The following ERC1 variants were observed in gnomAD, a reference collection of about 807,000 sequenced individuals.
ERC1 encodes the protein ELKS/RAB6-interacting/CAST family member 1, also known as RAB6 interacting protein 2.
Under a neutral mutation model 132.0 loss-of-function variants are expected in ERC1, and 56 were observed. The ratio of observed to expected loss-of-function variants is 0.42; its 90% CI spans 0.34 to 0.53. The LOEUF (loss-of-function observed/expected upper bound fraction) is 0.53, where lower values mean the gene tolerates loss of function less well. ERC1 is among the 20% of genes least tolerant of loss of function. The probability of loss-of-function intolerance (pLI) is 0.03; values close to 1 mark genes in which losing one functional copy is unlikely to be tolerated. For missense variants in ERC1, 1,202 were observed against 1,349.9 expected, an observed-to-expected ratio of 0.89 and a Z score of 1.72; for synonymous variants, 478 against 476.1, an observed-to-expected ratio of 1.00 and a Z score of -0.05.
chr12:1,080,688 G>C (rs1478346802), intron 2 of ERC1, among the ~76,000 whole-genome samples: 1 of 152,046 alleles, frequency 6.6e-6, no homozygotes, highest in African/African-American at 2.4e-5. Flanking sequence ...GCTTCTTCCT[G>C]ATTTTCTCTT....
At chr12:1,115,797 G>C (rs1946382358) in intron 6 of ERC1, 69 bp from the exon 7 acceptor site, 11 of 1,333,868 alleles carry the variant, frequency 8.2e-6, no homozygotes, top group Middle Eastern at 1.9e-4. Flanking sequence ...ACTCAGATCT[G>C]TGAAAGATAC....
intron 1 of ERC1, among the ~76,000 whole-genome samples, chr12:1,010,316 A>C (rs569208900): frequency 6.6e-6 from 1 of 151,882 alleles, no homozygotes; most frequent in African/African-American, 2.4e-5. Context: ...ACTCATCTCT[A>C]CTAAAAATAC....
chr12:1,183,019 T>G (rs1422689525), intron 10 of ERC1, among the ~76,000 whole-genome samples: 1 of 152,202 alleles, frequency 6.6e-6, no homozygotes, highest in African/African-American at 2.4e-5. Context: ...TCACAAAGCT[T>G]GATCTACTTT....
intron 15 of ERC1, among the ~76,000 whole-genome samples, chr12:1,292,961 A>G (rs2079563057): frequency 6.6e-6 from 1 of 152,040 alleles, no homozygotes; most frequent in Non-Finnish European, 1.5e-5. Context: ...CCTGGCCAAC[A>G]TGGTGAACCC....
At chr12:1,125,075 A>G (rs943957291) in intron 7 of ERC1, among the ~76,000 whole-genome samples, 1 of 151,836 alleles carries the variant, frequency 6.6e-6, no homozygotes, top group South Asian at 2.1e-4. Flanking sequence ...GCTCACTGCA[A>G]CCTCCACCTC....
At chr12:1,342,371 G>A (rs1003969690) in intron 15 of ERC1, among the ~76,000 whole-genome samples, 2 of 151,576 alleles carry the variant, frequency 1.3e-5, no homozygotes, top group Non-Finnish European at 2.9e-5. Context: ...GGAAACTGAG[G>A]CAGGAGAATC....
chr12:1,223,446 A>G (rs1412568821), intron 12 of ERC1, among the ~76,000 whole-genome samples: 1 of 152,228 alleles, frequency 6.6e-6, no homozygotes, highest in East Asian at 1.9e-4. Context: ...GTTAAAGTGC[A>G]GATTCTGATT....
At chr12:1,161,008 T>A (rs573998835) in intron 8 of ERC1, among the ~76,000 whole-genome samples, 5 of 152,324 alleles carry the variant, frequency 3.3e-5, no homozygotes, top group African/African-American at 1.2e-4. Context: ...CTTTGCTGTT[T>A]CTTCTTCTTT....
chr12:1,412,342 C>G (rs967569089), intron 17 of ERC1, among the ~76,000 whole-genome samples: 1 of 152,244 alleles, frequency 6.6e-6, no homozygotes, highest in Non-Finnish European at 1.5e-5. Context: ...CCAATACATA[C>G]TGATCAAGTG....
intron 18 of ERC1, chr12:1,480,938 T>TG: frequency 1.4e-6 from 1 of 702,320 alleles, no homozygotes; most frequent in Non-Finnish European, 2.6e-6. Context: ...CCCCTTACTC[T>TG]GGGCAGTCTG....
chr12:1,383,795 T>C (rs1193344399), intron 16 of ERC1, among the ~76,000 whole-genome samples: 3 of 152,226 alleles, frequency 2.0e-5, no homozygotes, highest in Non-Finnish European at 4.4e-5. Context: ...AAAACAGTAT[T>C]CACGCCATTA....
intron 13 of ERC1, among the ~76,000 whole-genome samples, chr12:1,241,407 T>C (rs1008833288): frequency 5.3e-5 from 8 of 152,210 alleles, no homozygotes; most frequent in African/African-American, 1.9e-4. Context: ...GAATGATGAT[T>C]GTTACATATT....
At chr12:1,374,274 G>A (rs576084019) in intron 16 of ERC1, among the ~76,000 whole-genome samples, 10 of 152,264 alleles carry the variant, frequency 6.6e-5, no homozygotes, top group East Asian at 1.9e-4. Flanking sequence ...GGCTCTTGGC[G>A]TTCACATGTG....
intron 15 of ERC1, among the ~76,000 whole-genome samples, chr12:1,337,105 T>C (rs1331711833): frequency 6.6e-6 from 1 of 152,164 alleles, no homozygotes; most frequent in Non-Finnish European, 1.5e-5. Context: ...CATGAGCCAC[T>C]GCTCCTGGCC....
chr12:1,187,952 C>T (rs1955292965), intron 11 of ERC1, among the ~76,000 whole-genome samples: 1 of 152,158 alleles, frequency 6.6e-6, no homozygotes, highest in South Asian at 2.1e-4. Flanking sequence ...AACCTCCTAA[C>T]AAAAGCGACA....
At chr12:1,319,437 A>G (rs549019243) in intron 15 of ERC1, among the ~76,000 whole-genome samples, 34 of 152,298 alleles carry the variant, frequency 2.2e-4, no homozygotes, top group Non-Finnish European at 4.4e-4. Context: ...TTGAGTTTCT[A>G]TATTACACAA....
intron 2 of ERC1, among the ~76,000 whole-genome samples, chr12:1,079,823 G>T (rs936796452): frequency 2.7e-5 from 4 of 148,466 alleles, no homozygotes; most frequent in East Asian, 2.0e-4. Flanking sequence ...CAGAGATACA[G>T]ATAGAAATGA....
intron 2 of ERC1, among the ~76,000 whole-genome samples, chr12:1,050,762 T>G (rs919148281): frequency 1.3e-5 from 2 of 152,274 alleles, no homozygotes; most frequent in South Asian, 4.1e-4. Context: ...GCCGAGCACT[T>G]TGGGAGGCCG....
intron 17 of ERC1, among the ~76,000 whole-genome samples, chr12:1,431,144 G>C (rs749932366): frequency 8.5e-5 from 13 of 152,192 alleles, no homozygotes; most frequent in Non-Finnish European, 1.3e-4. Context: ...GAGCTGTGAT[G>C]CGCTGATGCC....
Sources: allele counts gnomAD v4.1 joint callset (sites outside exome capture counted in the v4.1 genomes callset), GRCh38; gene constraint gnomAD v4.1.1; transcripts MANE v1.5; gene names NCBI Gene and HGNC (gene_info 2026-07-23, HGNC 2026-07-21).